MBNL2: variants seen among roughly 807,000 people sequenced by gnomAD.
MBNL2 encodes the protein muscleblind-like protein 2.
MBNL2 carries 17 observed loss-of-function variants against 41.9 expected under a neutral mutation model. The ratio of observed to expected loss-of-function variants is 0.41; its 90% CI spans 0.28 to 0.61. The LOEUF (loss-of-function observed/expected upper bound fraction) is 0.61, where lower values mean the gene tolerates loss of function less well. Among genes scored for constraint, MBNL2 ranks in the 20% least tolerant of loss-of-function variants. The probability of loss-of-function intolerance (pLI) is 0.35; values close to 1 mark genes in which losing one functional copy is unlikely to be tolerated. For synonymous variants in MBNL2, 195 were observed against 182.9 expected (o/e 1.07, Z -0.53); for missense variants, 336 against 505.6 (o/e 0.66, Z 3.22).
chr13:97,162,867 A>G, the MBNL2 span, among the ~76,000 whole-genome samples: 7 of 152,324 alleles, frequency 4.6e-5, no homozygotes, highest in South Asian at 1.4e-3. Context: ...AGAAGACTAT[A>G]GACTGAGTGA....
the MBNL2 span, among the ~76,000 whole-genome samples, chr13:97,197,817 C>G: frequency 1.3e-5 from 2 of 152,096 alleles, no homozygotes; most frequent in Non-Finnish European, 2.9e-5. Flanking sequence ...CTTAAGCATT[C>G]GCCTGATTTT....
At chr13:97,252,130 G>A (rs1038542475) in intron 1 of MBNL2, among the ~76,000 whole-genome samples, 6 of 152,078 alleles carry the variant, frequency 3.9e-5, no homozygotes, top group African/African-American at 7.2e-5. Context: ...GATTACAGGC[G>A]TGAGCCACCG....
the MBNL2 span, among the ~76,000 whole-genome samples, chr13:97,200,852 C>G: frequency 1.3e-5 from 2 of 152,192 alleles, no homozygotes; most frequent in Admixed American, 1.3e-4. Flanking sequence ...GGGAGGTAGA[C>G]TGAGTGACTT....
the MBNL2 span, among the ~76,000 whole-genome samples, chr13:97,191,725 A>C: frequency 7.9e-5 from 12 of 152,200 alleles, no homozygotes; most frequent in Non-Finnish European, 1.3e-4. Context: ...TGGTAGCTCA[A>C]AATGTTGCAA....
intron 7 of MBNL2, 41 bp from the exon 8 acceptor site, chr13:97,365,095 C>T: frequency 7.3e-7 from 1 of 1,362,202 alleles, no homozygotes; most frequent in Non-Finnish European, 1.1e-6. Context: ...CTGTTTCTTT[C>T]CCTTTATTCA....
At chr13:97,333,763 G>T (rs1271486679) in intron 2 of MBNL2, among the ~76,000 whole-genome samples, 1 of 151,238 alleles carries the variant, frequency 6.6e-6, no homozygotes, top group Non-Finnish European at 1.5e-5. Context: ...ACTCTAGCAT[G>T]TACAGACAAC....
At chr13:97,311,018 C>T (rs373366421) in intron 2 of MBNL2, among the ~76,000 whole-genome samples, 2 of 152,124 alleles carry the variant, frequency 1.3e-5, no homozygotes, top group East Asian at 3.9e-4. Context: ...GATAAGATTA[C>T]GTTTGAGAAT....
chr13:97,201,555 A>G, the MBNL2 span, among the ~76,000 whole-genome samples: 1 of 152,170 alleles, frequency 6.6e-6, no homozygotes, highest in Non-Finnish European at 1.5e-5. Context: ...TTGGACACCA[A>G]TGATTCTATT....
At chr13:97,377,615 T>C (rs1177086957) in intron 8 of MBNL2, among the ~76,000 whole-genome samples, 1 of 152,210 alleles carries the variant, frequency 6.6e-6, no homozygotes, top group African/African-American at 2.4e-5. Flanking sequence ...ATATTTGTCA[T>C]TGTTATACTG....
At chr13:97,220,327 A>G (rs1372597038), upstream of MBNL2, among the ~76,000 whole-genome samples, 1 of 152,218 alleles carries the variant, frequency 6.6e-6, no homozygotes, top group East Asian at 1.9e-4. Context: ...AAGGGTTTCA[A>G]AGCGTCTGGT....
At chr13:97,308,861 G>A (rs1413563836) in intron 2 of MBNL2, among the ~76,000 whole-genome samples, 1 of 152,202 alleles carries the variant, frequency 6.6e-6, no homozygotes, top group Non-Finnish European at 1.5e-5. Context: ...ACAAGTGACT[G>A]TGACTATGAC....
the MBNL2 span, among the ~76,000 whole-genome samples, chr13:97,144,874 A>T: frequency 6.6e-6 from 1 of 152,234 alleles, no homozygotes; most frequent in Non-Finnish European, 1.5e-5. Context: ...GAAGCAAAGT[A>T]TTCGGAAGGA....
At chr13:97,220,803 G>C (rs1447477501), upstream of MBNL2, among the ~76,000 whole-genome samples, 1 of 152,272 alleles carries the variant, frequency 6.6e-6, no homozygotes, top group South Asian at 2.1e-4. Context: ...TGAAGTTTCA[G>C]GAATGGGATT....
At chr13:97,176,520 G>C in the MBNL2 span, among the ~76,000 whole-genome samples, 1 of 152,224 alleles carries the variant, frequency 6.6e-6, no homozygotes, top group South Asian at 2.1e-4. Context: ...GAACCTCAAA[G>C]CCTCTCCGGA....
intron 8 of MBNL2, among the ~76,000 whole-genome samples, chr13:97,378,669 A>G (rs964866554): frequency 6.6e-6 from 1 of 152,158 alleles, no homozygotes. Context: ...CTTCAAAACC[A>G]AGTTTATTTC....
At chr13:97,303,923 T>C (rs1449480209) in intron 2 of MBNL2, among the ~76,000 whole-genome samples, 4 of 152,188 alleles carry the variant, frequency 2.6e-5, no homozygotes, top group Non-Finnish European at 5.9e-5. Context: ...TCCCAGGGTA[T>C]AAATTAGGCA....
the MBNL2 span, among the ~76,000 whole-genome samples, chr13:97,142,903 G>GA: frequency 1.3e-5 from 2 of 151,750 alleles, no homozygotes; most frequent in Non-Finnish European, 2.9e-5. Flanking sequence ...CTGTTCTTTA[G>GA]AAAAAAACAA....
At chr13:97,262,673 G>A (rs551350889) in intron 1 of MBNL2, among the ~76,000 whole-genome samples, 11 of 152,054 alleles carry the variant, frequency 7.2e-5, no homozygotes, top group East Asian at 3.9e-4. Context: ...TTCTATACCC[G>A]TTTCTAGCTG....
chr13:97,311,617 T>G (rs2058613117), intron 2 of MBNL2, among the ~76,000 whole-genome samples: 1 of 151,976 alleles, frequency 6.6e-6, no homozygotes, highest in Admixed American at 6.6e-5. Context: ...GAAAAATCAA[T>G]TTCTTGAGAT....
Sources: allele counts gnomAD v4.1 joint callset (sites outside exome capture counted in the v4.1 genomes callset), GRCh38; gene constraint gnomAD v4.1.1; transcripts MANE v1.5; gene names NCBI Gene and HGNC (gene_info 2026-07-23, HGNC 2026-07-21).